GMCL1: variants seen among roughly 807,000 people sequenced by gnomAD.
GMCL1 encodes the protein germ cell-less protein-like 1.
In GMCL1, 54 loss-of-function variants were observed where a neutral mutation model predicts 75.5. The observed-to-expected ratio is 0.71, with a 90% CI of 0.57 to 0.90. The LOEUF is 0.90. Among genes scored for constraint, GMCL1 ranks in the 40% least tolerant of loss-of-function variants. The pLI is 0.00. For synonymous variants in GMCL1, 210 were observed against 209.6 expected (o/e 1.00, Z -0.02); for missense variants, 537 against 622.7 (o/e 0.86, Z 1.47).
intron 1 of GMCL1, among the ~76,000 whole-genome samples, chr2:69,836,150 C>T (rs1380401002): frequency 1.3e-5 from 2 of 152,110 alleles, no homozygotes; most frequent in African/African-American, 4.8e-5. Flanking sequence ...TCTTTTCTCC[C>T]AAGGGTTCTG....
intron 13 of GMCL1, 127 bp downstream of exon 13, chr2:69,871,959 T>C (rs1210716238): frequency 3.2e-6 from 2 of 621,170 alleles, no homozygotes; most frequent in South Asian, 2.0e-5. Flanking sequence ...TAAAAGTCTT[T>C]TGAAGGTAAA....
chr2:69,868,097 C>T (rs915970529), intron 11 of GMCL1, among the ~76,000 whole-genome samples: 2 of 152,160 alleles, frequency 1.3e-5, no homozygotes, highest in African/African-American at 4.8e-5. Flanking sequence ...TCCATGCTCA[C>T]CTATTCAAAA....
Position 69,878,903 on chromosome 2 carries a change from T to C in GMCL1, c.1453-6T>C. ...TTGTCATTGAATCTACAAATCTGTC[T>C]TATAGGAACAAGTGGTGATGAACTT... On this transcript the variant is annotated splice_region_variant and splice_polypyrimidine_tract_variant and intron_variant, in intron 13 of 13. Transcript: ENST00000282570. 1.9e-6 allele frequency: 3 copies of C among 1,587,126 alleles called. No homozygotes were observed. The highest frequency in any genetic ancestry group is 2.6e-6 in the Non-Finnish European group (3 of 1,155,992).
At chr2:69,848,263 A>G (rs1044197244) in intron 7 of GMCL1, among the ~76,000 whole-genome samples, 1 of 152,200 alleles carries the variant, frequency 6.6e-6, no homozygotes, top group Non-Finnish European at 1.5e-5. Flanking sequence ...TGTTGTGAGT[A>G]TTTAACACAG....
rs1441046692 is a variant in GMCL1 at position 69,830,057 on chromosome 2, C to G, written c.165C>G (p.Ser55Arg). 6.4e-7 allele frequency: 1 copy of G among 1,568,648 alleles called. No individual in the cohort carries two copies. Among genetic ancestry groups the G allele is most frequent in the Non-Finnish European group, 8.6e-7 (1 of 1,156,264 alleles). ...YCAGSHKRKR[S>R]SGSFCYCHPD... ...CGGGCAGCCACAAGCGCAAGCGGAG[C>G]AGCGGGTCCTTCTGCTACTGTCACC... is the stretch of plus-strand genomic sequence containing the variant. The change falls in exon 1 of 14, where the codon AGC becomes AGG. Residue 55 changes from serine (S) to arginine (R), a missense_variant. Physicochemically the swap from Ser to Arg is moderately radical, Grantham distance 110. Around this residue, in one of 3 missense-constraint regions of GMCL1, gnomAD observed 144 missense variants for 127.2 expected, o/e 1.13. Coordinates refer to ENST00000282570, the MANE Select transcript of GMCL1 (RefSeq NM_178439.5).
At chr2:69,856,326 T>G (rs1675467231) in intron 9 of GMCL1, among the ~76,000 whole-genome samples, 2 of 152,308 alleles carry the variant, frequency 1.3e-5, no homozygotes, top group South Asian at 4.1e-4. Flanking sequence ...TTTGGCAATA[T>G]GGGGAATTTG....
chr2:69,866,934 CTTTCT>C (rs1304327519), intron 11 of GMCL1, among the ~76,000 whole-genome samples: 8 of 150,512 alleles, frequency 5.3e-5, no homozygotes, highest in Admixed American at 2.0e-4. Context: ...AGTTCACTGC[CTTTCT>C]TTTCTTTTCT....
At chr2:69,851,748 A>T (rs1461889867) in intron 8 of GMCL1, among the ~76,000 whole-genome samples, 2 of 152,198 alleles carry the variant, frequency 1.3e-5, no homozygotes, top group Non-Finnish European at 2.9e-5. Flanking sequence ...CCTGGACAGC[A>T]GAGTGAGACC....
intron 7 of GMCL1, 74 bp downstream of exon 7, chr2:69,847,701 A>T: frequency 1.2e-6 from 1 of 830,298 alleles, no homozygotes; most frequent in Non-Finnish European, 2.0e-6. Context: ...AAAAACTGGA[A>T]ACAGTATCCA....
At chr2:69,842,718 C>T (rs1675019169) in intron 4 of GMCL1, 1 of 152,318 alleles carries the variant, frequency 6.6e-6, no homozygotes, top group East Asian at 1.9e-4. Flanking sequence ...TTATTTTAAA[C>T]TTGATCACTT....
chr2:69,841,193 GC>G (rs1308008556), intron 4 of GMCL1, among the ~76,000 whole-genome samples, 154 bp downstream of exon 4: 1 of 152,132 alleles, frequency 6.6e-6, no homozygotes, highest in Non-Finnish European at 1.5e-5. Context: ...CATTTAAAAT[GC>G]CTAACCAAAA....
chr2:69,864,107 A>G (rs1373272741), intron 10 of GMCL1, among the ~76,000 whole-genome samples: 1 of 152,018 alleles, frequency 6.6e-6, no homozygotes, highest in Non-Finnish European at 1.5e-5. Flanking sequence ...CTGTAGTATA[A>G]TTATTATTTA....
intron 3 of GMCL1, among the ~76,000 whole-genome samples, chr2:69,840,595 C>G (rs1250296346): frequency 6.6e-6 from 1 of 152,092 alleles, no homozygotes. Flanking sequence ...TTAAGATTAT[C>G]TTTGAGTCTG....
At chr2:69,838,830 C>T (rs1467932440) in intron 2 of GMCL1, among the ~76,000 whole-genome samples, 3 of 152,130 alleles carry the variant, frequency 2.0e-5, no homozygotes, top group Non-Finnish European at 2.9e-5. Context: ...AATATAAGCC[C>T]CCTGAGGACA....
intron 11 of GMCL1, 130 bp from the exon 12 acceptor site, chr2:69,869,589 T>A: frequency 1.3e-6 from 1 of 799,228 alleles, no homozygotes; most frequent in Non-Finnish European, 1.9e-6. Flanking sequence ...AAAAAGTCAC[T>A]GACAAAAAGT....
Position 69,849,699 on chromosome 2 carries a change from G to A in GMCL1, c.891G>A (p.Gln297=). ...CTTCTTGGAATGGATCTTTAAAACA[G>A]CTTTTGACAGAAACAGATGTCTGGT... ...LVPSWNGSLK[Q]LLTETDVWFS... is the part of the protein sequence containing the mutation. The change falls in exon 8 of 14, where the codon CAG becomes CAA. Residue 297 remains glutamine, a synonymous_variant. Coordinates refer to ENST00000282570, the MANE Select transcript of GMCL1 (RefSeq NM_178439.5). The A allele has an allele frequency of 6.9e-6, 11 of 1,593,172 alleles. No homozygotes were observed. The highest frequency in any genetic ancestry group is 9.4e-6 in the Non-Finnish European group (11 of 1,170,882).
intron 13 of GMCL1, among the ~76,000 whole-genome samples, chr2:69,872,278 T>G (rs1398392266): frequency 6.6e-6 from 1 of 152,224 alleles, no homozygotes; most frequent in African/African-American, 2.4e-5. Context: ...GTTCGTAAGA[T>G]GGCAAACTCT....
intron 1 of GMCL1, among the ~76,000 whole-genome samples, chr2:69,833,225 A>G (rs1024095525): frequency 1.3e-5 from 2 of 152,248 alleles, no homozygotes; most frequent in African/African-American, 4.8e-5. Flanking sequence ...TTTTAAGGCA[A>G]ACCTTTATCG....
At chr2:69,850,405 A>AT (rs1223823091) in intron 8 of GMCL1, among the ~76,000 whole-genome samples, 1 of 152,206 alleles carries the variant, frequency 6.6e-6, no homozygotes, top group Non-Finnish European at 1.5e-5. Context: ...TAGAAAAAGT[A>AT]TTTTTTACGG....
Sources: gnomAD v4.1 joint callset for allele counts (sites outside exome capture counted in the v4.1 genomes callset) on GRCh38, gnomAD v4.1.1 for gene constraint, gnomAD v4.1.1 regional missense constraint, MANE v1.5 for transcripts, NCBI Gene and HGNC (gene_info 2026-07-23, HGNC 2026-07-21) for gene names.